The following ARHGAP24 variants were observed in gnomAD, a reference collection of about 807,000 sequenced individuals.
The protein encoded by ARHGAP24 is rho GTPase-activating protein 24.
Under a neutral mutation model 76.4 loss-of-function variants are expected in ARHGAP24, and 50 were observed. The ratio of observed to expected loss-of-function variants is 0.65; its 90% confidence interval spans 0.52 to 0.83. The LOEUF (loss-of-function observed/expected upper bound fraction) is 0.83, where lower values mean the gene tolerates loss of function less well. Among genes scored for constraint, ARHGAP24 ranks in the 40% least tolerant of loss-of-function variants. The pLI, the probability that ARHGAP24 is intolerant of heterozygous loss-of-function variation, is 0.00. For missense variants in ARHGAP24, 930 were observed against 914.2 expected, an observed-to-expected ratio of 1.02 and a Z score of -0.22; for synonymous variants, 345 against 323.3, an observed-to-expected ratio of 1.07 and a Z score of -0.72.
intron 2 of ARHGAP24, among the ~76,000 whole-genome samples, chr4:85,673,153 G>T (rs1722865806): frequency 6.6e-6 from 1 of 152,122 alleles, no homozygotes; most frequent in Admixed American, 6.5e-5. Flanking sequence ...TAGCAGCTGT[G>T]CTACCCTGTT....
intron 2 of ARHGAP24, among the ~76,000 whole-genome samples, chr4:85,628,901 G>T (rs1309624571): frequency 6.6e-6 from 1 of 152,052 alleles, no homozygotes; most frequent in East Asian, 1.9e-4. Context: ...TTTCTTATAG[G>T]CAAGGTATGG....
intron 3 of ARHGAP24, among the ~76,000 whole-genome samples, chr4:85,820,169 A>G (rs1350879033): frequency 1.3e-5 from 2 of 152,220 alleles, no homozygotes; most frequent in Non-Finnish European, 2.9e-5. Context: ...GTTCTATTAT[A>G]AAGACACATG....
intron 2 of ARHGAP24, among the ~76,000 whole-genome samples, chr4:85,646,605 C>T (rs184978685): frequency 5.3e-4 from 81 of 152,104 alleles, no homozygotes; most frequent in African/African-American, 1.9e-3. Flanking sequence ...TATTCATAGA[C>T]CCTCATTGAA....
intron 3 of ARHGAP24, among the ~76,000 whole-genome samples, chr4:85,845,361 A>G (rs1339369956): frequency 6.6e-6 from 1 of 152,188 alleles, no homozygotes; most frequent in East Asian, 1.9e-4. Context: ...GTTCTATTTT[A>G]AAGATTGGAA....
intron 3 of ARHGAP24, among the ~76,000 whole-genome samples, chr4:85,807,125 T>G (rs983606497): frequency 3.3e-5 from 5 of 152,208 alleles, no homozygotes; most frequent in African/African-American, 1.2e-4. Context: ...AAACTATTAT[T>G]ATACTTTAAG....
At chr4:85,626,700 C>G (rs7659175) in intron 2 of ARHGAP24, among the ~76,000 whole-genome samples, 1 of 151,902 alleles carries the variant, frequency 6.6e-6, no homozygotes, top group African/African-American at 2.4e-5. Context: ...CTCCCCATCA[C>G]TTTCAGGTAC....
At chr4:85,534,925 A>C (rs1275080348) in intron 1 of ARHGAP24, among the ~76,000 whole-genome samples, 2 of 142,068 alleles carry the variant, frequency 1.4e-5, no homozygotes, top group African/African-American at 2.8e-5. Context: ...CCATATTTAC[A>C]GTAAAAAAAA....
chr4:85,816,175 T>A (rs770699849), intron 3 of ARHGAP24, among the ~76,000 whole-genome samples: 1 of 152,172 alleles, frequency 6.6e-6, no homozygotes, highest in African/African-American at 2.4e-5. Context: ...ACATTTAAGA[T>A]CTACTTTCTT....
At chr4:85,655,792 T>TATATATAGAGAG (rs1553920518) in intron 2 of ARHGAP24, among the ~76,000 whole-genome samples, 10 of 37,694 alleles carry the variant, frequency 2.7e-4, no homozygotes, top group African/African-American at 6.5e-4. Flanking sequence ...TATATATATA[T>TATATATAGAGAG]AGAGAGAGAG....
chr4:85,926,975 A>C (rs1457977585), intron 4 of ARHGAP24, among the ~76,000 whole-genome samples: 1 of 152,232 alleles, frequency 6.6e-6, no homozygotes, highest in Non-Finnish European at 1.5e-5. Flanking sequence ...ATGAAAAATA[A>C]TAAAAGTTTT....
chr4:85,869,738 A>G (rs1431192478), intron 3 of ARHGAP24, among the ~76,000 whole-genome samples: 18 of 152,192 alleles, frequency 1.2e-4, no homozygotes, highest in Non-Finnish European at 8.8e-5. Flanking sequence ...GGCACTGATT[A>G]TATTGAACAT....
chr4:85,891,312 C>T lies in ARHGAP24; in HGVS notation c.269-32336C>T, dbSNP rs537204299. Among the ~76,000 whole-genome samples, 7 of 148,278 alleles carry T rather than the reference C, an allele frequency of 4.7e-5. No homozygotes were observed. The East Asian group carries it at 1.2e-3, about 26-fold the overall frequency. On this transcript the variant is annotated intron_variant, in intron 3 of 9. Transcript: ENST00000395184. Reference sequence around the variant, plus strand: ...CAATCATGTCGTCTGCAAACAGGGACAATTTGACTTCCTCTTTTCCTAATT... The same window carrying T: ...CAATCATGTCGTCTGCAAACAGGGATAATTTGACTTCCTCTTTTCCTAATT...
chr4:85,800,599 AAG>A (rs1491344032), intron 3 of ARHGAP24, among the ~76,000 whole-genome samples: 34 of 152,050 alleles, frequency 2.2e-4, no homozygotes, highest in African/African-American at 8.2e-4. Context: ...AAGAAGAAAA[AAG>A]AGGAGGAGGA....
At chr4:85,977,259 G>A (rs552787771) in intron 7 of ARHGAP24, among the ~76,000 whole-genome samples, 2 of 152,242 alleles carry the variant, frequency 1.3e-5, no homozygotes, top group East Asian at 3.9e-4. Context: ...GGATTGGAAG[G>A]GAATCCACAT....
chr4:85,570,729 G>A lies in ARHGAP24; in HGVS notation c.180+8G>A, dbSNP rs776649795. ...GATGAAACCAAGCCCTTGGTGAGTAGGAGAAAATGTAAAGCATTAAGGGCC... is the reference window on the plus strand; with the variant it reads ...GATGAAACCAAGCCCTTGGTGAGTAAGAGAAAATGTAAAGCATTAAGGGCC... On this transcript the variant is annotated splice_region_variant and intron_variant, in intron 2 of 9. Transcript: ENST00000395184. 6.2e-7 allele frequency: 1 copy of A among 1,613,890 alleles called. No homozygotes were observed. The highest frequency in any genetic ancestry group is 8.5e-7 in the Non-Finnish European group (1 of 1,179,876).
chr4:85,498,257 A>G (rs1723657456), intron 1 of ARHGAP24, among the ~76,000 whole-genome samples: 1 of 152,174 alleles, frequency 6.6e-6, no homozygotes, highest in Admixed American at 6.5e-5. Flanking sequence ...GCCATCTTAT[A>G]CCTGGGTTGG....
chr4:85,610,226 G>A (rs891201314), intron 2 of ARHGAP24, among the ~76,000 whole-genome samples: 2 of 151,858 alleles, frequency 1.3e-5, no homozygotes, highest in East Asian at 1.9e-4. Flanking sequence ...GGCGGATCAC[G>A]AGGTCAGGAG....
chr4:85,836,408 A>G (rs189851427), intron 3 of ARHGAP24, among the ~76,000 whole-genome samples: 5 of 152,326 alleles, frequency 3.3e-5, no homozygotes, highest in East Asian at 3.9e-4. Flanking sequence ...AAGACACTAC[A>G]GAAGGTCTGT....
intron 2 of ARHGAP24, among the ~76,000 whole-genome samples, chr4:85,699,929 A>G (rs1407149670): frequency 1.3e-5 from 2 of 152,202 alleles, no homozygotes; most frequent in Non-Finnish European, 2.9e-5. Context: ...GAACAGCTAC[A>G]AAGTTATCTA....
Sources: gnomAD v4.1 joint callset for allele counts (sites outside exome capture counted in the v4.1 genomes callset) on GRCh38, gnomAD v4.1.1 for gene constraint, MANE v1.5 for transcripts, NCBI Gene and HGNC (gene_info 2026-07-23, HGNC 2026-07-21) for gene names.